RBM44: variants seen among roughly 807,000 people sequenced by gnomAD.
RBM44 encodes RNA-binding protein 44.
A neutral mutation model predicts 105.1 loss-of-function variants in RBM44; 66 were observed. The observed-to-expected ratio is 0.63, with a 90% CI of 0.52 to 0.77. RBM44 has a LOEUF of 0.77. Ranked by LOEUF, RBM44 falls within the 30% of genes least tolerant of loss-of-function variation. The probability of loss-of-function intolerance (pLI) is 0.00; values close to 1 mark genes in which losing one functional copy is unlikely to be tolerated. For synonymous variants in RBM44, 365 were observed against 417.6 expected (o/e 0.87, Z 1.54); for missense variants, 1,122 against 1,207.8 (o/e 0.93, Z 1.05).
chr2:237,818,393 T>C lies in RBM44; in HGVS notation c.1474T>C (p.Ser492Pro), dbSNP rs200918860. 291 of 1,612,572 alleles carry C rather than the reference T, an allele frequency of 1.8e-4. No individual in the cohort carries two copies. The highest frequency in any genetic ancestry group is 2.4e-4 in the Non-Finnish European group (281 of 1,179,314). ...RATSARPSVV[S>P]TSSNTEITMM... is the part of the protein sequence containing the mutation. Reference sequence around the variant, plus strand: ...AACAAGTGCAAGACCTTCTGTAGTATCTACATCAAGCAACACAGAGATAAC... The same window carrying C: ...AACAAGTGCAAGACCTTCTGTAGTACCTACATCAAGCAACACAGAGATAAC... Residue 492 changes from serine (S) to proline (P), a missense_variant, in exon 3 of 16, where the codon TCT becomes CCT. Ser to Pro is a moderately conservative substitution (Grantham distance 74). Coordinates refer to ENST00000316997, the MANE Select transcript of RBM44 (RefSeq NM_001080504.3). The surrounding 1 kb of genome is among the most constrained non-coding windows in gnomAD (Gnocchi z 4.6).
rs76901611 is a variant in RBM44 at position 237,820,144 on chromosome 2, T to C, written c.1737-31T>C. 5.8e-3 allele frequency: 7,622 copies of C among 1,304,422 alleles called. 202 individuals are homozygous for C. The East Asian group carries it at 0.084, about 14-fold the overall frequency. 80.8% of individuals were successfully genotyped at this position (1,304,422 alleles called of 1,614,324 possible). On this transcript the variant is annotated intron_variant, in intron 4 of 15. Coordinates refer to ENST00000316997, the MANE Select transcript of RBM44 (RefSeq NM_001080504.3). The stretch of plus-strand genomic sequence containing the variant: ...TATTACTATAGAAAAATGTTTGGAA[T>C]CTTACCTGATCCTATCTTTTATTTT...
intron 12 of RBM44, 92 bp downstream of exon 12, chr2:237,827,595 G>T (rs764797431): frequency 9.4e-5 from 71 of 758,434 alleles, no homozygotes; most frequent in Non-Finnish European, 1.5e-4. Flanking sequence ...TGGTGATAAA[G>T]TCAAGGGTTA....
chr2:237,829,326 C>A lies in RBM44; in HGVS notation c.2710C>A (p.Leu904Ile). The change falls in exon 13 of 16, where the codon CTT (leucine) becomes ATT (isoleucine). Residue 904 changes from leucine (L) to isoleucine (I), a missense_variant. Leu to Ile is a conservative substitution (Grantham distance 5, BLOSUM62 2). Transcript: ENST00000316997. Reference protein sequence around the residue: ...KSVNVWPVKILGEYTSPLSSK... With the variant: ...KSVNVWPVKIIGEYTSPLSSK... ...AGTAAATGTGTGGCCTGTTAAAATT[C>A]TTGGAGAATATACATCACCACTTTC... 8 of 1,613,340 alleles carry A rather than the reference C, an allele frequency of 5.0e-6. No individual in the cohort carries two copies. Among genetic ancestry groups the A allele is most frequent in the Non-Finnish European group, 6.8e-6 (8 of 1,179,494 alleles).
Position 237,827,345 on chromosome 2 carries a change from T to A in RBM44, c.2529+16T>A. The A allele has an allele frequency of 6.6e-7, 1 of 1,513,760 alleles. No homozygotes were observed. The highest frequency in any genetic ancestry group is 1.2e-5 in the South Asian group (1 of 82,802). 93.8% of individuals were successfully genotyped at this position (1,513,760 alleles called of 1,614,324 possible). On this transcript the variant is annotated intron_variant, in intron 11 of 15. Transcript: ENST00000316997. ...AGTATCTGAGGTATACCAGGATTATTTTTTTGAGCTTCATTTTCAAATTTA... is the reference window on the plus strand; with the variant it reads ...AGTATCTGAGGTATACCAGGATTATATTTTTGAGCTTCATTTTCAAATTTA...
intron 1 of RBM44, among the ~76,000 whole-genome samples, chr2:237,808,222 G>A (rs564137590): frequency 7.2e-4 from 110 of 152,254 alleles, no homozygotes; most frequent in African/African-American, 2.6e-3. Flanking sequence ...GGAGACTGAG[G>A]TGGGCGGATC....
intron 1 of RBM44, among the ~76,000 whole-genome samples, chr2:237,813,349 G>T (rs1475256518): frequency 2.0e-5 from 3 of 152,090 alleles, no homozygotes; most frequent in Non-Finnish European, 2.9e-5. Context: ...CAAGTCATTG[G>T]TTTTTAGTAA....
rs536976364 is a variant in RBM44, at chr2:237,836,987, T to A, written c.*22+2564T>A. Among the ~76,000 whole-genome samples, 2 of 152,136 alleles carry A rather than the reference T, an allele frequency of 1.3e-5. 1 individual carries two copies. Among genetic ancestry groups the A allele is most frequent in the South Asian group, 4.2e-4 (2 of 4,814 alleles). ...AGCAGTCCTCCTGACTCAGCCTCCC[T>A]CAGTAGCTGGGATTAGAGGCACATA... On this transcript the variant is annotated intron_variant, in intron 15 of 15. Transcript: ENST00000316997.
At position 237,834,274 on chromosome 2, in the gene RBM44, A is replaced by C; in HGVS notation, c.3033-4A>C. The C allele has an allele frequency of 6.4e-7, 1 of 1,566,590 alleles. No individual in the cohort carries two copies. Among genetic ancestry groups the C allele is most frequent in the Non-Finnish European group, 8.6e-7 (1 of 1,157,986 alleles). On this transcript the variant is annotated splice_region_variant and splice_polypyrimidine_tract_variant and intron_variant, in intron 14 of 15. Transcript: ENST00000316997. ...ATACTCATGTATGTTTTCCTTTTTC[A>C]TAGAGACCATATTATAAATGCACTT...
Position 237,817,022 on chromosome 2 carries a change from T to C in RBM44, c.103T>C (p.Leu35=). ...ACCTTCAAATCCAAAGAAAGAAAAT[T>C]TGTTATTATCCTCCAATGGTTGTGA... ...DKPSNPKKEN[L]LLSSNGCDEV... is the part of the protein sequence containing the mutation. Residue 35 remains leucine, a synonymous_variant, in exon 3 of 16, where the codon TTG becomes CTG. Coordinates refer to ENST00000316997, the MANE Select transcript of RBM44 (RefSeq NM_001080504.3). 1.3e-6 allele frequency: 2 copies of C among 1,546,550 alleles called. No homozygotes were observed. Among genetic ancestry groups the C allele is most frequent in the Admixed American group, 4.3e-5 (2 of 46,154 alleles).
rs1431408784 is a variant in RBM44 at position 237,803,356 on chromosome 2, C to G, written c.-19+4495C>G. Among the ~76,000 whole-genome samples the G allele has an allele frequency of 2.3e-5, 3 of 132,792 alleles. No homozygotes were observed. Among genetic ancestry groups the G allele is most frequent in the Non-Finnish European group, 3.4e-5 (2 of 59,480 alleles). 87.1% of individuals were successfully genotyped at this position (132,792 alleles called of 152,430 possible). ...TCACACACACACACATACTTTCTCTCTCACTCACACACACACACACAAATT... is the reference window on the plus strand; with the variant it reads ...TCACACACACACACATACTTTCTCTGTCACTCACACACACACACACAAATT... On this transcript the variant is annotated intron_variant, in intron 1 of 15. Transcript: ENST00000316997. The surrounding 1 kb of genome is among the most constrained non-coding windows in gnomAD (Gnocchi z 4.2).
chr2:237,799,153 T>G (rs2061518358), intron 1 of RBM44: 1 of 151,676 alleles, frequency 6.6e-6, no homozygotes, highest in African/African-American at 2.4e-5. Context: ...TCTCCCAAAC[T>G]TGGTTATGTC....
chr2:237,838,166 T>G (rs1245365327), intron 15 of RBM44, among the ~76,000 whole-genome samples: 1 of 152,094 alleles, frequency 6.6e-6, no homozygotes, highest in Non-Finnish European at 1.5e-5. Flanking sequence ...TTAAAGCCTA[T>G]AAGAACTATA....
chr2:237,829,949 A>G (rs978944224), intron 13 of RBM44, among the ~76,000 whole-genome samples: 1 of 152,044 alleles, frequency 6.6e-6, no homozygotes, highest in African/African-American at 2.4e-5. Flanking sequence ...TTTTCTCTCC[A>G]CTGCTCAGCA....
intron 10 of RBM44, 147 bp from the exon 11 acceptor site, chr2:237,827,103 G>A (rs922410650): frequency 1.5e-5 from 9 of 597,100 alleles, no homozygotes; most frequent in Non-Finnish European, 2.7e-5. Context: ...TTAGTCCTCA[G>A]TCTAGAAGTG....
Position 237,821,130 on chromosome 2 carries a change from G to A in RBM44, c.1973G>A (p.Gly658Glu), listed in dbSNP as rs1206211089. The A allele has an allele frequency of 1.9e-6, 3 of 1,610,642 alleles. No individual in the cohort carries two copies. The highest frequency in any genetic ancestry group is 2.5e-6 in the Non-Finnish European group (3 of 1,178,726). ...ELGSALLSLL[G>E]DLKVRYVTLK... ...GGATCAGCACTACTGTCTCTTTTGG[G>A]GGACTTAAAAGTTAGATATGTGACT... The change falls in exon 6 of 16, where the codon GGG becomes GAG. Residue 658 changes from glycine (G) to glutamate (E), a missense_variant. By Grantham distance (98) the Gly-to-Glu change is moderately conservative. Coordinates refer to ENST00000316997, the MANE Select transcript of RBM44 (RefSeq NM_001080504.3).
Position 237,831,254 on chromosome 2 carries a change from G to C in RBM44, c.2886+1752G>C. On this transcript the variant is annotated intron_variant, in intron 13 of 15. Transcript: ENST00000316997. Reference sequence around the variant, plus strand: ...TTTGTCCTTTTTTTTGGGGGGGGGGGGGTTTGTCTTTGTTTTTGTTTGTTT... The same window carrying C: ...TTTGTCCTTTTTTTTGGGGGGGGGGCGGTTTGTCTTTGTTTTTGTTTGTTT... Among the ~76,000 whole-genome samples the C allele has an allele frequency of 1.5e-5, 2 of 131,184 alleles. 1 individual carries two copies. Among genetic ancestry groups the C allele is most frequent in the African/African-American group, 5.5e-5 (2 of 36,162 alleles). The allele number at this position is 131,184 out of a possible 152,430, so 86.1% of individuals were successfully genotyped here. A position where few individuals can be genotyped will look rare whatever the true frequency, so the allele number is the denominator to read the frequency against.
intron 15 of RBM44, among the ~76,000 whole-genome samples, chr2:237,836,218 A>T (rs937821402): frequency 2.6e-5 from 4 of 152,202 alleles, no homozygotes; most frequent in African/African-American, 9.6e-5. Context: ...GGCCCTTAGG[A>T]ATTACACTAA....
In RBM44 at chr2:237,818,710, G is replaced by A; in HGVS notation, c.1677+114G>A. On this transcript the variant is annotated intron_variant, in intron 3 of 15. Coordinates refer to ENST00000316997, the MANE Select transcript of RBM44 (RefSeq NM_001080504.3). This position sits in a 1 kb window ranked among gnomAD's most constrained non-coding sequence, Gnocchi z 4.6. ...GCTTTTGTGAGAAGATGCTAGATGA[G>A]GGGAGTAAATTAAAAAGGGAGTAAA... 1.4e-6 allele frequency: 1 copy of A among 733,878 alleles called. No homozygotes were observed. Among genetic ancestry groups the A allele is most frequent in the Non-Finnish European group, 2.1e-6 (1 of 467,776 alleles). 45.5% of individuals were successfully genotyped at this position (733,878 alleles called of 1,614,324 possible). A position where few individuals can be genotyped will look rare whatever the true frequency, so the allele number is the denominator to read the frequency against.
intron 2 of RBM44, among the ~76,000 whole-genome samples, chr2:237,814,777 CA>C (rs1395950123): frequency 6.6e-6 from 1 of 152,038 alleles, no homozygotes; most frequent in Non-Finnish European, 1.5e-5. Context: ...GATTATTTGG[CA>C]AATGGTATTA....
Sources: allele counts gnomAD v4.1 joint callset (sites outside exome capture counted in the v4.1 genomes callset), GRCh38; gene constraint gnomAD v4.1.1; non-coding constraint Gnocchi (gnomAD v3.1); transcripts MANE v1.5; gene names NCBI Gene and HGNC (gene_info 2026-07-23, HGNC 2026-07-21).